Variants in CPA6 observed in about 807,000 individuals in gnomAD.
CPA6 encodes carboxypeptidase B.
Under a neutral mutation model 63.3 loss-of-function variants are expected in CPA6, and 58 were observed. The observed-to-expected ratio is 0.92, with a 90% CI of 0.74 to 1.14. The LOEUF (loss-of-function observed/expected upper bound fraction) is 1.14. CPA6 is among the 50% of genes most tolerant of loss of function. The probability of loss-of-function intolerance (pLI) is 0.00; values close to 1 mark genes in which losing one functional copy is unlikely to be tolerated. For missense variants in CPA6, 565 were observed against 526.6 expected (o/e 1.07, Z -0.71); for synonymous variants, 185 against 179.0 (o/e 1.03, Z -0.27).
chr8:67,740,052 A>G (rs543893586), intron 1 of CPA6, among the ~76,000 whole-genome samples: 4 of 152,244 alleles, frequency 2.6e-5, no homozygotes, highest in Non-Finnish European at 4.4e-5. Context: ...ATTTGAAGAC[A>G]TGGAATAAAA....
intron 8 of CPA6, among the ~76,000 whole-genome samples, chr8:67,450,159 T>C (rs964702827): frequency 6.6e-6 from 1 of 152,172 alleles, no homozygotes; most frequent in Non-Finnish European, 1.5e-5. Flanking sequence ...GCTTATGTGA[T>C]ATCAAAATAA....
At chr8:67,486,871 A>ATT (rs200244030) in intron 6 of CPA6, among the ~76,000 whole-genome samples, 9 of 143,874 alleles carry the variant, frequency 6.3e-5, no homozygotes, top group Admixed American at 1.4e-4. Flanking sequence ...TGACTTAACA[A>ATT]TTTTTTTTTT....
intron 2 of CPA6, among the ~76,000 whole-genome samples, chr8:67,587,270 G>C (rs1481499771): frequency 6.6e-6 from 1 of 152,116 alleles, no homozygotes; most frequent in Non-Finnish European, 1.5e-5. Flanking sequence ...AGGCTGTGGT[G>C]AGCCCAAGTA....
At chr8:67,558,079 A>G (rs1274405756) in intron 2 of CPA6, among the ~76,000 whole-genome samples, 2 of 151,966 alleles carry the variant, frequency 1.3e-5, no homozygotes, top group African/African-American at 4.8e-5. Flanking sequence ...TCCCCCTTCC[A>G]TTCACTTCAC....
intron 2 of CPA6, among the ~76,000 whole-genome samples, chr8:67,592,760 T>C (rs1160625148): frequency 1.3e-5 from 2 of 152,228 alleles, no homozygotes; most frequent in Non-Finnish European, 2.9e-5. Flanking sequence ...TTATTGCGTC[T>C]ATTTGATTCT....
intron 2 of CPA6, among the ~76,000 whole-genome samples, chr8:67,570,829 T>C (rs773238700): frequency 2.0e-5 from 3 of 152,162 alleles, no homozygotes; most frequent in Non-Finnish European, 4.4e-5. Flanking sequence ...AAAATGGTAT[T>C]TGTAGGTTCT....
intron 2 of CPA6, among the ~76,000 whole-genome samples, chr8:67,541,929 A>G (rs1812717157): frequency 6.6e-6 from 1 of 152,202 alleles, no homozygotes; most frequent in African/African-American, 2.4e-5. Context: ...TGCGGACGAG[A>G]GCTGTTCCTA....
chr8:67,653,828 GA>G (rs1392142624), intron 1 of CPA6, among the ~76,000 whole-genome samples: 1 of 151,972 alleles, frequency 6.6e-6, no homozygotes, highest in African/African-American at 2.4e-5. Context: ...CCAGTTTTTA[GA>G]GGGAATGCTT....
Position 67,697,189 on chromosome 8 carries a change from C to T in CPA6, c.116+48825G>A, listed in dbSNP as rs573145987. ...GGGGGTATGGGGGACCCTGGGAACA[C>T]CACGAGGGCAGTGGCAGCTCCCAGG... is the stretch of plus-strand genomic sequence containing the variant. On this transcript the variant is annotated intron_variant, in intron 1 of 10. Transcript: ENST00000297770. 2.0e-4 allele frequency among the ~76,000 whole-genome samples: 30 copies of T among 152,182 alleles called. 1 individual carries two copies. Among genetic ancestry groups the T allele is most frequent in the Admixed American group, 1.2e-3 (19 of 15,278 alleles).
At chr8:67,504,877 G>A (rs1811896826) in intron 6 of CPA6, among the ~76,000 whole-genome samples, 1 of 152,106 alleles carries the variant, frequency 6.6e-6, no homozygotes, top group African/African-American at 2.4e-5. Flanking sequence ...CTGCACACAT[G>A]ATGGCCCTGT....
chr8:67,430,218 C>T (rs1462587523), intron 9 of CPA6, among the ~76,000 whole-genome samples: 1 of 144,600 alleles, frequency 6.9e-6, no homozygotes, highest in East Asian at 2.0e-4. Flanking sequence ...TTGCTCTTGT[C>T]GCCCAGGCTG....
At chr8:67,677,876 T>C (rs1479632124) in intron 1 of CPA6, among the ~76,000 whole-genome samples, 1 of 146,680 alleles carries the variant, frequency 6.8e-6, no homozygotes, top group Non-Finnish European at 1.5e-5. Context: ...ACAATAAAGC[T>C]TAAAAAAAAA....
intron 2 of CPA6, among the ~76,000 whole-genome samples, chr8:67,524,089 AG>A (rs1433695578): frequency 6.6e-6 from 1 of 152,204 alleles, no homozygotes; most frequent in African/African-American, 2.4e-5. Context: ...TATCCTGCAA[AG>A]TACCTTATTT....
intron 2 of CPA6, among the ~76,000 whole-genome samples, chr8:67,540,611 C>T (rs1812684911): frequency 6.6e-6 from 1 of 152,250 alleles, no homozygotes; most frequent in African/African-American, 2.4e-5. Flanking sequence ...CCAGCCGCCC[C>T]TTCCTCCAGG....
intron 1 of CPA6, among the ~76,000 whole-genome samples, chr8:67,704,141 A>T (rs1293717688): frequency 6.6e-6 from 1 of 152,182 alleles, no homozygotes; most frequent in East Asian, 1.9e-4. Context: ...TTCCATGAGT[A>T]TTCCTCTTGC....
chr8:67,497,923 C>G (rs191887587), intron 6 of CPA6, among the ~76,000 whole-genome samples: 436 of 10,160 alleles, frequency 0.043, 1 homozygote, highest in African/African-American at 0.15. Flanking sequence ...AACTCCTGGC[C>G]TCAAGTGATT....
intron 8 of CPA6, among the ~76,000 whole-genome samples, chr8:67,480,867 T>C (rs1811344005): frequency 6.6e-6 from 1 of 152,232 alleles, no homozygotes; most frequent in South Asian, 2.1e-4. Flanking sequence ...TTAGTAGATG[T>C]GAAGTGGTAC....
chr8:67,462,747 GTTT>G (rs1810840868), intron 8 of CPA6, among the ~76,000 whole-genome samples: 1 of 152,166 alleles, frequency 6.6e-6, no homozygotes. Context: ...AAGAAAAGGT[GTTT>G]TTAAGTATCA....
At chr8:67,644,920 CT>C (rs1382828378) in intron 1 of CPA6, among the ~76,000 whole-genome samples, 1 of 152,130 alleles carries the variant, frequency 6.6e-6, no homozygotes, top group Non-Finnish European at 1.5e-5. Flanking sequence ...ATACTCTTGC[CT>C]AAAACACACG....
Sources: allele counts gnomAD v4.1 joint callset (sites outside exome capture counted in the v4.1 genomes callset), GRCh38; gene constraint gnomAD v4.1.1; transcripts MANE v1.5; gene names NCBI Gene and HGNC (gene_info 2026-07-23, HGNC 2026-07-21).